The following RBM23 variants were observed in gnomAD, a reference collection of about 807,000 sequenced individuals.
RBM23 encodes the protein probable RNA-binding protein 23.
A neutral mutation model predicts 56.2 loss-of-function variants in RBM23; 53 were observed. The observed-to-expected ratio is 0.94, with a 90% CI of 0.76 to 1.19. RBM23 has a LOEUF of 1.19. Ranked by LOEUF, RBM23 falls within the 50% of genes most tolerant of loss-of-function variation. The pLI is 0.00. For missense variants in RBM23, 642 were observed against 590.3 expected, an observed-to-expected ratio of 1.09 and a Z score of -0.91; for synonymous variants, 197 against 198.5, an observed-to-expected ratio of 0.99 and a Z score of 0.06.
Position 22,901,520 on chromosome 14 carries a change from T to A in RBM23, c.*210A>T. On this transcript the variant is annotated 3_prime_UTR_variant, in exon 14 of 14. Coordinates refer to ENST00000359890, the MANE Select transcript of RBM23 (RefSeq NM_001077351.2). The stretch of plus-strand genomic sequence containing the variant: ...AGGTGTGGATTCTGTTCTCTTCAAC[T>A]GGTGGCTTTGCTCAGCAGAGTCCAT... 1.5e-6 allele frequency: 1 copy of A among 654,844 alleles called. No individual in the cohort carries two copies. The highest frequency in any genetic ancestry group is 2.7e-6 in the Non-Finnish European group (1 of 373,720). 40.6% of individuals were successfully genotyped at this position (654,844 alleles called of 1,614,324 possible). A position where few individuals can be genotyped will look rare whatever the true frequency, so the allele number is the denominator to read the frequency against.
intron 4 of RBM23, among the ~76,000 whole-genome samples, chr14:22,908,096 C>A (rs2041877412): frequency 6.6e-6 from 1 of 152,212 alleles, no homozygotes; most frequent in Non-Finnish European, 1.5e-5. Flanking sequence ...TCTCGGCTCA[C>A]TGCAACCTCG....
chr14:22,905,395 G>T lies in RBM23; in HGVS notation c.514C>A (p.Gln172Lys), dbSNP rs1461004888. ...CGAGGCCGAATTCGGGCAGCTAACT[G>T]CATACAGAAAACTGTGCGGGCATCA... ...ERDARTVFCM[Q>K]LAARIRPRDL... Residue 172 changes from glutamine to lysine, a missense_variant, in exon 7 of 14, where the codon CAG becomes AAG. Physicochemically the swap from Gln to Lys is moderately conservative, Grantham distance 53 (BLOSUM62 1). Coordinates refer to ENST00000359890, the MANE Select transcript of RBM23 (RefSeq NM_001077351.2). 7 of 1,614,160 alleles carry T rather than the reference G, an allele frequency of 4.3e-6. No individual in the cohort carries two copies. In the East Asian group the frequency reaches 1.6e-4, roughly 36 times the overall value.
In RBM23 at chr14:22,896,065, T is replaced by C. The variant is rs8012963; in HGVS notation, c.*5665A>G. 112,510 of 151,984 alleles carry C rather than the reference T, an allele frequency of 0.74. 41,985 individuals carry two copies. The highest frequency in any genetic ancestry group is 0.99 in the East Asian group (5,120 of 5,178). The allele number at this position is 151,984 out of a possible 1,614,324, so 9.4% of individuals were successfully genotyped here. On this transcript the variant is annotated 3_prime_UTR_variant, in exon 14 of 14. Transcript: ENST00000359890. ...TGAAGATTTATTTTCACCATTGCAC[T>C]GCCCTTGCTTTTCCCCATAAACCTT...
intron 1 of RBM23, among the ~76,000 whole-genome samples, chr14:22,916,870 T>C (rs1018419913): frequency 6.6e-6 from 1 of 151,376 alleles, no homozygotes; most frequent in African/African-American, 2.4e-5. Flanking sequence ...AAAGAAAAGT[T>C]TGTTTTTGTT....
rs1312944915 is a variant in RBM23, at chr14:22,893,232, T to C, written c.*8498A>G. On this transcript the variant is annotated 3_prime_UTR_variant, in exon 14 of 14. Transcript: ENST00000359890. The stretch of plus-strand genomic sequence containing the variant: ...ACACACACACATCTTTTTATTAATC[T>C]AATATAGTTTCAATCCACATCAATC... The C allele has an allele frequency of 6.6e-6, 1 of 152,230 alleles. No homozygotes were observed. Among genetic ancestry groups the C allele is most frequent in the Non-Finnish European group, 1.5e-5 (1 of 68,042 alleles). The allele number at this position is 152,230 out of a possible 1,614,324, so 9.4% of individuals were successfully genotyped here. A position where few individuals can be genotyped will look rare whatever the true frequency, so the allele number is the denominator to read the frequency against.
At chr14:22,908,591 G>T in intron 3 of RBM23, 2 of 467,090 alleles carry the variant, frequency 4.3e-6, no homozygotes, top group Non-Finnish European at 7.5e-6. Context: ...ACAAGGTTTC[G>T]CTATGTTGGC....
At chr14:22,905,760 GTTTT>G in intron 5 of RBM23, 101 bp from the exon 6 acceptor site, 1 of 934,308 alleles carries the variant, frequency 1.1e-6, no homozygotes, top group Non-Finnish European at 1.7e-6. Flanking sequence ...TCATCTCATT[GTTTT>G]TTTAAGACAG....
chr14:22,914,657 G>A (rs2043174364), intron 1 of RBM23, among the ~76,000 whole-genome samples: 1 of 151,934 alleles, frequency 6.6e-6, no homozygotes, highest in Non-Finnish European at 1.5e-5. Flanking sequence ...TCTATGCAAG[G>A]AGGCTATCAT....
rs1293489914 is a variant in RBM23 at position 22,900,160 on chromosome 14, GAAC to G, written c.*1567_*1569del. On this transcript the variant is annotated 3_prime_UTR_variant, in exon 14 of 14. Transcript: ENST00000359890. ...GCAGGAGTTGAGGGGACTGACAGAG[GAAC>G]AACAGTAGACATCAGGTCAGGAGAA... is the stretch of plus-strand genomic sequence containing the variant. 1 of 152,180 alleles carries G rather than the reference GAAC, an allele frequency of 6.6e-6. No homozygotes were observed. The highest frequency in any genetic ancestry group is 2.4e-5 in the African/African-American group (1 of 41,418). 9.4% of individuals were successfully genotyped at this position (152,180 alleles called of 1,614,324 possible). A position where few individuals can be genotyped will look rare whatever the true frequency, so the allele number is the denominator to read the frequency against.
intron 10 of RBM23, 191 bp downstream of exon 10, chr14:22,904,070 T>C: frequency 6.6e-7 from 1 of 1,520,784 alleles, no homozygotes; most frequent in Non-Finnish European, 8.8e-7. Flanking sequence ...ACTGACAGAG[T>C]GTAGGAGCAA....
In RBM23 at chr14:22,909,514, T is replaced by C; in HGVS notation, c.148A>G (p.Ser50Gly). ...GTCTCCCCGATGGTGCTGCTTCCACTGGTCTCATTGCCACTGTTGCTGGTG... is the reference window on the plus strand; with the variant it reads ...GTCTCCCCGATGGTGCTGCTTCCACCGGTCTCATTGCCACTGTTGCTGGTG... ...SSTSNSGNET[S>G]GSSTIGETSK... The change falls in exon 3 of 14, where the codon AGT (serine) becomes GGT (glycine). Residue 50 changes from serine (S) to glycine (G), a missense_variant. Transcript: ENST00000359890. 2 of 1,613,358 alleles carry C rather than the reference T, an allele frequency of 1.2e-6. No homozygotes were observed. The highest frequency in any genetic ancestry group is 1.7e-6 in the Non-Finnish European group (2 of 1,179,966).
chr14:22,907,253 A>T (rs906408775), intron 4 of RBM23, among the ~76,000 whole-genome samples: 7 of 152,296 alleles, frequency 4.6e-5, no homozygotes, highest in Middle Eastern at 3.4e-3. Context: ...GAGGCAGGAG[A>T]ATCACTTGAA....
chr14:22,910,602 G>A (rs980110857), intron 2 of RBM23, among the ~76,000 whole-genome samples: 19 of 152,038 alleles, frequency 1.2e-4, no homozygotes, highest in Non-Finnish European at 2.2e-4. Flanking sequence ...GCCAGGTGCA[G>A]TGGCTCACTC....
In RBM23 at chr14:22,904,476, G is replaced by A. The variant is rs542721334; in HGVS notation, c.865-150C>T. 341 of 699,254 alleles carry A rather than the reference G, an allele frequency of 4.9e-4. 1 individual carries two copies. The African/African-American group carries it at 5.3e-3, about 11-fold the overall frequency. 43.3% of individuals were successfully genotyped at this position (699,254 alleles called of 1,614,324 possible). ...GGGTGACAGAGTGAGACCTTGTCTC[G>A]GAAAAAAAAAGATTAGTCAGTAGAA... is the stretch of plus-strand genomic sequence containing the variant. On this transcript the variant is annotated intron_variant, in intron 9 of 13. Transcript: ENST00000359890.
chr14:22,909,703 T>C (rs1345361714), intron 2 of RBM23, 108 bp from the exon 3 acceptor site: 4 of 787,476 alleles, frequency 5.1e-6, no homozygotes, highest in African/African-American at 3.4e-5. Flanking sequence ...ACCACTTGAT[T>C]ATCTAGCCAG....
In RBM23 at chr14:22,903,173, C is replaced by T. The variant is rs946091429; in HGVS notation, c.931-791G>A. ...TGCTGACAGCAAGGCAGAACCCACA[C>T]CCCCACATACACACAAGAGCTGTTG... On this transcript the variant is annotated intron_variant, in intron 10 of 13. Transcript: ENST00000359890. 5 of 985,426 alleles carry T rather than the reference C, an allele frequency of 5.1e-6. No homozygotes were observed. In the African/African-American group the frequency reaches 5.2e-5, roughly 10 times the overall value. The allele number at this position is 985,426 out of a possible 1,614,324, so 61.0% of individuals were successfully genotyped here.
chr14:22,904,033 A>C, intron 10 of RBM23: 1 of 1,461,488 alleles, frequency 6.8e-7, no homozygotes, highest in African/African-American at 1.4e-5. Context: ...AGCTGGGTGA[A>C]CTCCTGAACA....
At chr14:22,917,111 G>C (rs74456508) in intron 1 of RBM23, 3 of 151,992 alleles carry the variant, frequency 2.0e-5, no homozygotes, top group Admixed American at 6.5e-5. Context: ...CAGGTGATCC[G>C]CCTGCCTGGT....
chr14:22,915,924 T>C (rs148982328), intron 1 of RBM23, among the ~76,000 whole-genome samples: 289 of 152,364 alleles, frequency 1.9e-3, no homozygotes, highest in Non-Finnish European at 3.5e-3. Context: ...AAGTCATACA[T>C]AGCTCAAGGG....
Sources: allele counts gnomAD v4.1 joint callset (sites outside exome capture counted in the v4.1 genomes callset), GRCh38; gene constraint gnomAD v4.1.1; transcripts MANE v1.5; gene names NCBI Gene and HGNC (gene_info 2026-07-23, HGNC 2026-07-21).